The following TRIP12 variants were observed in gnomAD, a reference collection of about 807,000 sequenced individuals.
TRIP12 encodes thyroid hormone receptor interactor 12.
In TRIP12, 25 loss-of-function variants were observed where a neutral mutation model predicts 244.2. The observed-to-expected ratio is 0.10, with a 90% CI of 0.07 to 0.14. The LOEUF is 0.14. TRIP12 is among the 10% of genes least tolerant of loss of function. The probability of loss-of-function intolerance (pLI) is 1.00; values close to 1 mark genes in which losing one functional copy is unlikely to be tolerated. For synonymous variants in TRIP12, 905 were observed against 873.1 expected (o/e 1.04, Z -0.64); for missense variants, 1,677 against 2,486.4 (o/e 0.67, Z 6.92).
intron 30 of TRIP12, among the ~76,000 whole-genome samples, chr2:229,790,151 C>T (rs114503429): frequency 4.6e-5 from 7 of 152,182 alleles, no homozygotes; most frequent in African/African-American, 1.7e-4. Context: ...TAGATGAATA[C>T]CTCAAAATTA....
At chr2:229,880,439 G>A (rs542330626) in intron 1 of TRIP12, among the ~76,000 whole-genome samples, 8 of 152,272 alleles carry the variant, frequency 5.3e-5, no homozygotes, top group South Asian at 2.1e-4. Context: ...ATATGTCTTC[G>A]TTTCCCCATT....
intron 1 of TRIP12, among the ~76,000 whole-genome samples, chr2:229,889,203 C>G (rs2066758191): frequency 6.6e-6 from 1 of 152,132 alleles, no homozygotes; most frequent in African/African-American, 2.4e-5. Context: ...AAGTACGTGC[C>G]TAACTTGTTG....
At chr2:229,819,580 T>C (rs34602370) in intron 8 of TRIP12, among the ~76,000 whole-genome samples, 48,126 of 152,078 alleles carry the variant, frequency 0.32, 7,764 homozygotes, top group Middle Eastern at 0.43. Context: ...ATAAAGTCTA[T>C]GAATGTGTTT....
chr2:229,837,230 C>G (rs1337583056), intron 5 of TRIP12, among the ~76,000 whole-genome samples: 1 of 152,142 alleles, frequency 6.6e-6, no homozygotes, highest in African/African-American at 2.4e-5. Flanking sequence ...TCCTCAGAAA[C>G]AGAAACGATT....
At chr2:229,867,547 C>G (rs1051142040) in intron 2 of TRIP12, among the ~76,000 whole-genome samples, 2 of 152,008 alleles carry the variant, frequency 1.3e-5, no homozygotes, top group Admixed American at 6.6e-5. Context: ...AAAAGGAGCC[C>G]TCTGCCTTCT....
chr2:229,867,657 A>G (rs2061810549), intron 2 of TRIP12, among the ~76,000 whole-genome samples: 1 of 152,328 alleles, frequency 6.6e-6, no homozygotes, highest in Admixed American at 6.5e-5. Context: ...AGTGACACTG[A>G]ACACTTTTAA....
intron 2 of TRIP12, among the ~76,000 whole-genome samples, chr2:229,878,279 A>T (rs2154352346): frequency 6.6e-6 from 1 of 152,078 alleles, no homozygotes; most frequent in African/African-American, 2.4e-5. Flanking sequence ...GTGAAACACC[A>T]TCTCTACTAA....
chr2:229,854,570 C>A (rs769590938), intron 4 of TRIP12, among the ~76,000 whole-genome samples: 4 of 152,172 alleles, frequency 2.6e-5, no homozygotes, highest in Non-Finnish European at 5.9e-5. Context: ...CAGTTACCAA[C>A]TGAAAAAATG....
chr2:229,838,329 T>C (rs2154306407), intron 5 of TRIP12, among the ~76,000 whole-genome samples: 1 of 152,296 alleles, frequency 6.6e-6, no homozygotes, highest in East Asian at 1.9e-4. Flanking sequence ...CCACTTTGGA[T>C]ACATAGGGCT....
intron 1 of TRIP12, among the ~76,000 whole-genome samples, chr2:229,903,655 G>A (rs948120567): frequency 2.6e-5 from 4 of 152,066 alleles, no homozygotes; most frequent in Non-Finnish European, 5.9e-5. Context: ...GATATTACAA[G>A]TATCCCAAGT....
intron 8 of TRIP12, among the ~76,000 whole-genome samples, chr2:229,821,059 A>T (rs1305838965): frequency 1.3e-5 from 2 of 152,200 alleles, no homozygotes; most frequent in East Asian, 1.9e-4. Context: ...ATTTTGTTCC[A>T]AAGAGTATTA....
intron 39 of TRIP12, among the ~76,000 whole-genome samples, chr2:229,770,876 C>T (rs1322298689): frequency 6.6e-6 from 1 of 152,206 alleles, no homozygotes; most frequent in Non-Finnish European, 1.5e-5. Context: ...ATGTGCCTTT[C>T]ACCTTCCACC....
intron 4 of TRIP12, among the ~76,000 whole-genome samples, chr2:229,847,506 C>A (rs1347032422): frequency 6.6e-6 from 1 of 152,190 alleles, no homozygotes; most frequent in Non-Finnish European, 1.5e-5. Flanking sequence ...TTAAAACAAT[C>A]TGAGACATAA....
Position 229,796,443 on chromosome 2 carries a change from A to C in TRIP12, c.3816+148T>G, listed in dbSNP as rs190393492. On this transcript the variant is annotated intron_variant, in intron 25 of 41. Coordinates refer to ENST00000675903, the MANE Select transcript of TRIP12 (RefSeq NM_001348323.3). The stretch of plus-strand genomic sequence containing the variant: ...TTTACTATTTACTTTGATATACAGA[A>C]GTTGAAGGATTCCAACTATGTGAAA... The C allele has an allele frequency of 1.4e-4, 75 of 539,534 alleles. 2 individuals are homozygous for C. In the Admixed American group the frequency reaches 2.4e-3, roughly 17 times the overall value. 33.4% of individuals were successfully genotyped at this position (539,534 alleles called of 1,614,324 possible).
At position 229,832,218 on chromosome 2, in the gene TRIP12, A is replaced by T. The variant is rs1014498184; in HGVS notation, c.1271-1379T>A. 4.6e-5 allele frequency among the ~76,000 whole-genome samples: 7 copies of T among 152,234 alleles called. No homozygotes were observed. The South Asian group carries it at 1.4e-3, about 31-fold the overall frequency. On this transcript the variant is annotated intron_variant, in intron 6 of 41. Transcript: ENST00000675903. ...AAACAGGGTCAGCAAAATATGGCCC[A>T]AAGGCCAAATCCAGTCCACCACATG... is the stretch of plus-strand genomic sequence containing the variant.
rs182681439 is a variant in TRIP12 at position 229,795,311 on chromosome 2, A to T, written c.3836T>A (p.Ile1279Asn). 2 of 1,613,556 alleles carry T rather than the reference A, an allele frequency of 1.2e-6. No homozygotes were observed. The highest frequency in any genetic ancestry group is 1.7e-6 in the Non-Finnish European group (2 of 1,179,716). Residue 1279 changes from isoleucine (I) to asparagine (N), a missense_variant, in exon 26 of 42, where the codon ATT becomes AAT. By Grantham distance (149) the Ile-to-Asn change is moderately radical. Around this residue, in one of 11 missense-constraint regions of TRIP12, gnomAD observed 77 missense variants for 69.2 expected, o/e 1.11. Transcript: ENST00000675903. ...ATTACCCACTGGTTCCACTCTTCCAATGGGCTCTTCTCCAGGAAGCTAAAG... is the reference window on the plus strand; with the variant it reads ...ATTACCCACTGGTTCCACTCTTCCATTGGGCTCTTCTCCAGGAAGCTAAAG... The part of the protein sequence containing the change: ...FSSPLPGEEP[I>N]GRVEPVGNAP...
intron 4 of TRIP12, among the ~76,000 whole-genome samples, chr2:229,843,763 T>C (rs1026898560): frequency 3.3e-5 from 5 of 152,102 alleles, no homozygotes; most frequent in African/African-American, 1.2e-4. Context: ...TGGTGATGCA[T>C]GTCTATAGTC....
At chr2:229,914,267 T>C (rs1412141251) in intron 1 of TRIP12, among the ~76,000 whole-genome samples, 2 of 152,096 alleles carry the variant, frequency 1.3e-5, no homozygotes, top group Non-Finnish European at 2.9e-5. Flanking sequence ...TCAATTCAAG[T>C]AGACAAAAAA....
chr2:229,858,635 T>C, intron 4 of TRIP12, 137 bp downstream of exon 4: 2 of 748,234 alleles, frequency 2.7e-6, no homozygotes, highest in Non-Finnish European at 4.2e-6. Context: ...GTTATGTACT[T>C]AATTACACAG....
Sources: allele counts gnomAD v4.1 joint callset (sites outside exome capture counted in the v4.1 genomes callset), GRCh38; gene constraint gnomAD v4.1.1; regional missense constraint gnomAD v4.1.1; transcripts MANE v1.5; gene names NCBI Gene and HGNC (gene_info 2026-07-23, HGNC 2026-07-21).